STPG2: variants seen among roughly 807,000 people sequenced by gnomAD.
STPG2 encodes sperm-tail PG-rich repeat-containing protein 2.
STPG2 carries 56 observed loss-of-function variants against 54.2 expected under a neutral mutation model. That is an observed-to-expected ratio of 1.03 (90% confidence interval 0.83 to 1.29). The LOEUF is 1.29. Ranked by LOEUF, STPG2 falls within the 50% of genes most tolerant of loss-of-function variation. STPG2 has a pLI of 0.00. For synonymous variants in STPG2, 200 were observed against 181.8 expected (o/e 1.10, Z -0.81); for missense variants, 596 against 544.9 (o/e 1.09, Z -0.93).
chr4:97,486,403 C>A (rs1020246465), intron 4 of STPG2, among the ~76,000 whole-genome samples: 1 of 151,470 alleles, frequency 6.6e-6, no homozygotes, highest in Non-Finnish European at 1.5e-5. Flanking sequence ...AAATGACCAA[C>A]AAAAATGAAA....
At position 97,783,478 on chromosome 4, in the gene STPG2, C is replaced by G. The variant is rs190832821; in HGVS notation, c.1204+57295G>C. ...AGGAACACTTTTACACTGTTGGTGG[C>G]ACTGTAAACTAGTTCAACCATTGTG... On this transcript the variant is annotated intron_variant, in intron 9 of 10. Coordinates refer to ENST00000295268, the MANE Select transcript of STPG2 (RefSeq NM_174952.3). Among the ~76,000 whole-genome samples the G allele has an allele frequency of 5.7e-4, 87 of 152,208 alleles. No individual in the cohort carries two copies. In the Middle Eastern group the frequency reaches 0.024, roughly 42 times the overall value.
At chr4:97,588,329 G>C (rs1733051538) in intron 10 of STPG2, among the ~76,000 whole-genome samples, 1 of 151,848 alleles carries the variant, frequency 6.6e-6, no homozygotes, top group Admixed American at 6.6e-5. Flanking sequence ...CATTATCCAA[G>C]GAAAGCTTAT....
At chr4:98,100,080 T>C (rs2110134832) in intron 5 of STPG2, among the ~76,000 whole-genome samples, 1 of 152,216 alleles carries the variant, frequency 6.6e-6, no homozygotes, top group East Asian at 1.9e-4. Flanking sequence ...ACTATAGCAC[T>C]TACTCTTTAA....
chr4:97,548,074 C>T (rs1179784627), intron 4 of STPG2, among the ~76,000 whole-genome samples: 1 of 152,126 alleles, frequency 6.6e-6, no homozygotes, highest in African/African-American at 2.4e-5. Context: ...CGCTTGAACC[C>T]TCGAGGCGGA....
chr4:97,808,948 G>T (rs1399632187), intron 9 of STPG2, among the ~76,000 whole-genome samples: 1 of 151,876 alleles, frequency 6.6e-6, no homozygotes, highest in Non-Finnish European at 1.5e-5. Flanking sequence ...AATATATAAA[G>T]AAAAATGGAC....
At chr4:98,102,270 G>C (rs1042080937) in intron 5 of STPG2, among the ~76,000 whole-genome samples, 26 of 152,046 alleles carry the variant, frequency 1.7e-4, no homozygotes, top group Non-Finnish European at 3.5e-4. Flanking sequence ...TGTCTTTCAG[G>C]GATCTGCAAA....
At chr4:97,713,373 C>G (rs1349506609) in intron 9 of STPG2, among the ~76,000 whole-genome samples, 1 of 152,032 alleles carries the variant, frequency 6.6e-6, no homozygotes, top group African/African-American at 2.4e-5. Context: ...TTCAATGCCC[C>G]CAAATTCTTA....
intron 8 of STPG2, among the ~76,000 whole-genome samples, chr4:97,929,125 T>G (rs902930861): frequency 6.6e-6 from 1 of 152,166 alleles, no homozygotes; most frequent in African/African-American, 2.4e-5. Flanking sequence ...TGAGAACATG[T>G]AGTAGTTGGT....
At chr4:97,497,666 G>A (rs1730639674) in intron 4 of STPG2, among the ~76,000 whole-genome samples, 1 of 151,824 alleles carries the variant, frequency 6.6e-6, no homozygotes, top group Non-Finnish European at 1.5e-5. Context: ...TGTTGAGTTA[G>A]AATTTTTAGA....
chr4:97,622,662 T>C (rs1448209140), intron 10 of STPG2, among the ~76,000 whole-genome samples: 1 of 152,016 alleles, frequency 6.6e-6, no homozygotes, highest in Non-Finnish European at 1.5e-5. Flanking sequence ...ATAGGAAGCA[T>C]CAATAATGTT....
At chr4:97,528,759 C>T (rs905731602) in intron 4 of STPG2, among the ~76,000 whole-genome samples, 1 of 152,136 alleles carries the variant, frequency 6.6e-6, no homozygotes, top group African/African-American at 2.4e-5. Context: ...CTCTTTGTAG[C>T]AATTGTGAAT....
intron 9 of STPG2, among the ~76,000 whole-genome samples, chr4:97,836,257 C>A (rs1728626878): frequency 6.6e-6 from 1 of 151,832 alleles, no homozygotes; most frequent in Non-Finnish European, 1.5e-5. Context: ...ATTTCCAGAG[C>A]CACCCCAACC....
chr4:97,568,163 A>G (rs1732503263), intron 10 of STPG2, among the ~76,000 whole-genome samples: 1 of 152,218 alleles, frequency 6.6e-6, no homozygotes, highest in Admixed American at 6.5e-5. Flanking sequence ...GTTTGAACAT[A>G]CTTTAAAAAA....
At chr4:97,679,967 T>C (rs1722979125) in intron 10 of STPG2, among the ~76,000 whole-genome samples, 1 of 152,046 alleles carries the variant, frequency 6.6e-6, no homozygotes, top group Non-Finnish European at 1.5e-5. Context: ...GAGGGCTCTG[T>C]TCTGTTCCAT....
chr4:97,913,105 T>C lies in STPG2; in HGVS notation c.1044+30792A>G, dbSNP rs1013426663. On this transcript the variant is annotated intron_variant, in intron 8 of 10. Transcript: ENST00000295268. Reference sequence around the variant, plus strand: ...CTAAAATTCAGCTTTATTCTGAAAATAGTTTGTATAATATAAGCTTCAAGG... The same window carrying C: ...CTAAAATTCAGCTTTATTCTGAAAACAGTTTGTATAATATAAGCTTCAAGG... Among the ~76,000 whole-genome samples, 12 of 152,190 alleles carry C rather than the reference T, an allele frequency of 7.9e-5. 1 individual carries two copies. The highest frequency in any genetic ancestry group is 6.5e-4 in the Admixed American group (10 of 15,288).
chr4:97,846,322 C>CT (rs1176821490), intron 8 of STPG2, among the ~76,000 whole-genome samples: 7 of 152,018 alleles, frequency 4.6e-5, no homozygotes, highest in Middle Eastern at 3.4e-3. Flanking sequence ...ACTTCAGACT[C>CT]TCAATCAAAA....
At chr4:98,024,108 C>A (rs1016420180) in intron 5 of STPG2, among the ~76,000 whole-genome samples, 2 of 152,320 alleles carry the variant, frequency 1.3e-5, no homozygotes, top group South Asian at 2.1e-4. Flanking sequence ...GCAGAAATCA[C>A]CTGTCTTCTG....
intron 5 of STPG2, among the ~76,000 whole-genome samples, chr4:98,074,394 T>C (rs1738092851): frequency 6.6e-6 from 1 of 152,214 alleles, no homozygotes; most frequent in Non-Finnish European, 1.5e-5. Flanking sequence ...TAATATGTTG[T>C]GCCTTCATGG....
chr4:97,970,910 A>G (rs1246631468), intron 7 of STPG2, among the ~76,000 whole-genome samples: 1 of 152,218 alleles, frequency 6.6e-6, no homozygotes, highest in African/African-American at 2.4e-5. Flanking sequence ...CAATCTACCC[A>G]TCTGACAAAG....
Sources: allele counts gnomAD v4.1 joint callset (sites outside exome capture counted in the v4.1 genomes callset), GRCh38; gene constraint gnomAD v4.1.1; transcripts MANE v1.5; gene names NCBI Gene and HGNC (gene_info 2026-07-23, HGNC 2026-07-21).